The following MED27 variants were observed in gnomAD, a reference collection of about 807,000 sequenced individuals.
MED27 encodes the protein mediator complex subunit 27.
A neutral mutation model predicts 38.2 loss-of-function variants in MED27; 30 were observed. The ratio of observed to expected loss-of-function variants is 0.79; its 90% confidence interval spans 0.59 to 1.07. MED27 has a LOEUF of 1.07. Among genes scored for constraint, MED27 ranks in the 50% least tolerant of loss-of-function variants. The probability of loss-of-function intolerance (pLI) is 0.00; values close to 1 mark genes in which losing one functional copy is unlikely to be tolerated. For missense variants in MED27, 289 were observed against 397.5 expected, an observed-to-expected ratio of 0.73 and a Z score of 2.32; for synonymous variants, 122 against 153.5, an observed-to-expected ratio of 0.79 and a Z score of 1.52.
At chr9:131,946,787 T>C (rs1175114123) in intron 3 of MED27, among the ~76,000 whole-genome samples, 1 of 152,218 alleles carries the variant, frequency 6.6e-6, no homozygotes, top group African/African-American at 2.4e-5. Context: ...ACAAGTATTC[T>C]CACCCCCGTG....
At chr9:131,914,539 A>C (rs894398865) in intron 4 of MED27, among the ~76,000 whole-genome samples, 1 of 152,238 alleles carries the variant, frequency 6.6e-6, no homozygotes, top group Non-Finnish European at 1.5e-5. Flanking sequence ...CACTGAGGAT[A>C]CAGCAGTGAC....
At chr9:132,039,434 C>G (rs1833156275) in intron 2 of MED27, among the ~76,000 whole-genome samples, 1 of 152,196 alleles carries the variant, frequency 6.6e-6, no homozygotes, top group African/African-American at 2.4e-5. Flanking sequence ...ACGCAAAGTA[C>G]CTAGCATGGT....
At chr9:131,908,657 T>C (rs1038486720) in intron 4 of MED27, among the ~76,000 whole-genome samples, 3 of 152,164 alleles carry the variant, frequency 2.0e-5, no homozygotes, top group African/African-American at 4.8e-5. Flanking sequence ...ATGTGCTTTG[T>C]TAAACCGATG....
chr9:131,870,859 C>G (rs1375135254), intron 6 of MED27, among the ~76,000 whole-genome samples: 1 of 152,234 alleles, frequency 6.6e-6, no homozygotes, highest in Non-Finnish European at 1.5e-5. Context: ...CTGGCCCCAA[C>G]CCTCCAAACG....
At chr9:131,956,991 G>A (rs1831117992) in intron 3 of MED27, among the ~76,000 whole-genome samples, 2 of 152,148 alleles carry the variant, frequency 1.3e-5, no homozygotes, top group African/African-American at 4.8e-5. Context: ...AAATGTACTT[G>A]GCCTGCACTA....
intron 6 of MED27, among the ~76,000 whole-genome samples, chr9:131,877,642 C>T (rs1485158811): frequency 2.0e-5 from 3 of 152,082 alleles, no homozygotes; most frequent in Admixed American, 1.3e-4. Flanking sequence ...AACACTGCAG[C>T]GGCACCACAC....
intron 3 of MED27, among the ~76,000 whole-genome samples, chr9:131,940,625 A>C (rs937342096): frequency 2.0e-5 from 3 of 152,190 alleles, no homozygotes; most frequent in East Asian, 3.9e-4. Flanking sequence ...CATGTTGGCC[A>C]GGCTGGTCTC....
intron 2 of MED27, among the ~76,000 whole-genome samples, chr9:132,067,689 C>A (rs985382489): frequency 1.3e-5 from 2 of 152,084 alleles, no homozygotes; most frequent in Non-Finnish European, 2.9e-5. Flanking sequence ...AAGCATGCAA[C>A]AAATTTAGCA....
intron 4 of MED27, among the ~76,000 whole-genome samples, chr9:131,938,332 G>A (rs532837754): frequency 5.3e-5 from 8 of 152,196 alleles, no homozygotes; most frequent in South Asian, 4.2e-4. Flanking sequence ...CCTCCCTGAC[G>A]CCCATCGAAA....
intron 3 of MED27, among the ~76,000 whole-genome samples, chr9:131,976,631 G>A (rs1235132346): frequency 6.6e-6 from 1 of 152,168 alleles, no homozygotes; most frequent in Non-Finnish European, 1.5e-5. Flanking sequence ...GGTAATTTAG[G>A]GAAGTTAGCA....
At chr9:131,956,838 A>AC in intron 3 of MED27, among the ~76,000 whole-genome samples, 1 of 151,172 alleles carries the variant, frequency 6.6e-6, no homozygotes, top group African/African-American at 2.4e-5. Flanking sequence ...AAAAAAAAAA[A>AC]CACATACACA....
intron 3 of MED27, among the ~76,000 whole-genome samples, chr9:131,954,642 T>C (rs1831060259): frequency 6.6e-6 from 1 of 152,102 alleles, no homozygotes; most frequent in Non-Finnish European, 1.5e-5. Context: ...GTGAATCAAT[T>C]TGACCCCTCT....
chr9:131,904,156 C>G (rs576186267), intron 4 of MED27, among the ~76,000 whole-genome samples: 88 of 152,148 alleles, frequency 5.8e-4, no homozygotes, highest in Non-Finnish European at 1.1e-3. Flanking sequence ...GTCTTGGCCT[C>G]CCAAAGTGCT....
In MED27 at chr9:132,062,314, G is replaced by A. The variant is rs372266169; in HGVS notation, c.348+15128C>T. Among the ~76,000 whole-genome samples, 44 of 152,370 alleles carry A rather than the reference G, an allele frequency of 2.9e-4. 1 individual carries two copies. The East Asian group carries it at 5.4e-3, about 19-fold the overall frequency. The stretch of plus-strand genomic sequence containing the variant: ...AGGCCATGATGTGGGCAACACGGGA[G>A]CGGGCAGGTGGCCTGCAGAAGCACA... On this transcript the variant is annotated intron_variant, in intron 2 of 7. Coordinates refer to ENST00000292035, the MANE Select transcript of MED27 (RefSeq NM_004269.4).
intron 3 of MED27, among the ~76,000 whole-genome samples, chr9:131,949,977 ATAAT>A (rs1458967086): frequency 2.0e-5 from 3 of 151,708 alleles, no homozygotes; most frequent in Non-Finnish European, 4.4e-5. Flanking sequence ...AAATATTAAT[ATAAT>A]TAATAATTTC....
chr9:131,894,424 T>C (rs901526594), intron 4 of MED27, among the ~76,000 whole-genome samples: 3 of 152,336 alleles, frequency 2.0e-5, no homozygotes, highest in Non-Finnish European at 4.4e-5. Context: ...GAGTACAATA[T>C]ACAGAGCAAA....
chr9:132,048,532 T>TA, intron 2 of MED27, among the ~76,000 whole-genome samples: 1 of 152,236 alleles, frequency 6.6e-6, no homozygotes, highest in Admixed American at 6.5e-5. Flanking sequence ...AGAACGCCAC[T>TA]AGTAACTAAA....
chr9:131,905,839 C>A (rs1420185821), intron 4 of MED27, among the ~76,000 whole-genome samples: 1 of 152,054 alleles, frequency 6.6e-6, no homozygotes, highest in African/African-American at 2.4e-5. Context: ...AATTGTTCGC[C>A]CTTCCAGTTC....
At chr9:131,956,135 G>A (rs554702733) in intron 3 of MED27, among the ~76,000 whole-genome samples, 44 of 152,250 alleles carry the variant, frequency 2.9e-4, no homozygotes, top group Admixed American at 1.8e-3. Flanking sequence ...ACCTGCTAAA[G>A]GTATGAACCT....
Sources: allele counts gnomAD v4.1 joint callset (sites outside exome capture counted in the v4.1 genomes callset), GRCh38; gene constraint gnomAD v4.1.1; transcripts MANE v1.5; gene names NCBI Gene and HGNC (gene_info 2026-07-23, HGNC 2026-07-21).